The following L3MBTL4 variants were observed in gnomAD, a reference collection of about 807,000 sequenced individuals.
L3MBTL4 encodes the protein L3MBTL histone methyl-lysine binding protein 4, also known as lethal(3)malignant brain tumor-like protein 4.
A neutral mutation model predicts 84.5 loss-of-function variants in L3MBTL4; 70 were observed. The ratio of observed to expected loss-of-function variants is 0.83; its 90% CI spans 0.68 to 1.01. The LOEUF (loss-of-function observed/expected upper bound fraction) is 1.01. Among genes scored for constraint, L3MBTL4 ranks in the 50% least tolerant of loss-of-function variants. The pLI, the probability that L3MBTL4 is intolerant of heterozygous loss-of-function variation, is 0.00. For missense variants in L3MBTL4, 715 were observed against 754.8 expected, an observed-to-expected ratio of 0.95 and a Z score of 0.62; for synonymous variants, 274 against 259.8, an observed-to-expected ratio of 1.05 and a Z score of -0.52.
intron 16 of L3MBTL4, among the ~76,000 whole-genome samples, chr18:5,983,883 T>G (rs1567948381): frequency 6.6e-6 from 1 of 152,154 alleles, no homozygotes; most frequent in South Asian, 2.1e-4. Flanking sequence ...GTGTCATATT[T>G]TATTCTAACC....
At chr18:6,063,297 ATCTG>A (rs1199605871) in intron 16 of L3MBTL4, among the ~76,000 whole-genome samples, 1 of 117,646 alleles carries the variant, frequency 8.5e-6, no homozygotes, top group Non-Finnish European at 1.7e-5. Flanking sequence ...TACTATAAAT[ATCTG>A]TGTGTGTGTG....
At chr18:6,181,671 C>A (rs2044479001) in intron 12 of L3MBTL4, among the ~76,000 whole-genome samples, 1 of 151,708 alleles carries the variant, frequency 6.6e-6, no homozygotes, top group Non-Finnish European at 1.5e-5. Flanking sequence ...TCCCACCCTC[C>A]ACCTTCAAGT....
chr18:6,362,176 AAAGGAAGGAAGG>A (rs1248423229), intron 1 of L3MBTL4, among the ~76,000 whole-genome samples: 2 of 118,210 alleles, frequency 1.7e-5, no homozygotes, highest in Non-Finnish European at 3.5e-5. Context: ...AGGAAAGAAG[AAAGGAAGGAAGG>A]AAGGAAGGGA....
At chr18:6,041,317 C>T (rs2056388903) in intron 16 of L3MBTL4, among the ~76,000 whole-genome samples, 2 of 152,338 alleles carry the variant, frequency 1.3e-5, no homozygotes, top group Non-Finnish European at 2.9e-5. Context: ...GCCATGCCCA[C>T]CACATCTGCC....
Position 5,969,583 on chromosome 18 carries a change from G to C in L3MBTL4, c.1445-21C>G, listed in dbSNP as rs61756685. 96 of 1,573,176 alleles carry C rather than the reference G, an allele frequency of 6.1e-5. No individual in the cohort carries two copies. In the African/African-American group the frequency reaches 1.2e-3, roughly 20 times the overall value. Reference sequence around the variant, plus strand: ...GTATTCTGTAAGAGAGGTGGGGTGGGGTGAGGCTCAGGCTCCCAGAGAGCA... The same window carrying C: ...GTATTCTGTAAGAGAGGTGGGGTGGCGTGAGGCTCAGGCTCCCAGAGAGCA... On this transcript the variant is annotated intron_variant, in intron 16 of 18. Coordinates refer to ENST00000317931, the MANE Select transcript of L3MBTL4 (RefSeq NM_001330559.2).
intron 1 of L3MBTL4, among the ~76,000 whole-genome samples, chr18:6,394,074 C>A (rs1198086139): frequency 6.6e-6 from 1 of 152,174 alleles, no homozygotes; most frequent in Non-Finnish European, 1.5e-5. Flanking sequence ...CCCTCTCCTT[C>A]TCACTACCCT....
At chr18:6,320,590 T>A (rs1267220669) in intron 1 of L3MBTL4, among the ~76,000 whole-genome samples, 2 of 151,928 alleles carry the variant, frequency 1.3e-5, no homozygotes, top group African/African-American at 4.8e-5. Flanking sequence ...CTGAAAGAAA[T>A]CACAGATGAC....
chr18:6,327,075 T>G (rs72863192), intron 1 of L3MBTL4, among the ~76,000 whole-genome samples: 6,892 of 152,256 alleles, frequency 0.045, 212 homozygotes, highest in Non-Finnish European at 0.068. Flanking sequence ...TAAATATAAG[T>G]ATCCTCTTCT....
At chr18:6,230,319 G>A (rs2046944385) in intron 10 of L3MBTL4, among the ~76,000 whole-genome samples, 1 of 152,118 alleles carries the variant, frequency 6.6e-6, no homozygotes, top group South Asian at 2.1e-4. Flanking sequence ...ACTTGCAAGT[G>A]AGAACATGGG....
intron 10 of L3MBTL4, among the ~76,000 whole-genome samples, chr18:6,222,346 G>A (rs1162218840): frequency 6.6e-6 from 1 of 152,098 alleles, no homozygotes; most frequent in Non-Finnish European, 1.5e-5. Flanking sequence ...ATAATTGATT[G>A]TTTTGCTCAA....
chr18:6,373,070 A>T (rs1014415142), intron 1 of L3MBTL4, among the ~76,000 whole-genome samples: 2 of 152,180 alleles, frequency 1.3e-5, no homozygotes, highest in Non-Finnish European at 2.9e-5. Flanking sequence ...CTTTCATTAA[A>T]TGTTATGTTA....
intron 12 of L3MBTL4, among the ~76,000 whole-genome samples, chr18:6,185,960 CTTTAT>C (rs771825177): frequency 1.4e-3 from 210 of 145,870 alleles, no homozygotes; most frequent in East Asian, 0.014. Context: ...AGGGCACTTT[CTTTAT>C]TTTATTTTAT....
rs551052289 is a variant in L3MBTL4 at position 5,991,169 on chromosome 18, C to T, written c.1445-21607G>A. Reference sequence around the variant, plus strand: ...ACTTCCACAGACAGGCCCATGCTGACCCTCAAATATAATTGAGGTTCTTTC... The same window carrying T: ...ACTTCCACAGACAGGCCCATGCTGATCCTCAAATATAATTGAGGTTCTTTC... On this transcript the variant is annotated intron_variant, in intron 16 of 18. Coordinates refer to ENST00000317931, the MANE Select transcript of L3MBTL4 (RefSeq NM_001330559.2). Among the ~76,000 whole-genome samples, 38 of 152,260 alleles carry T rather than the reference C, an allele frequency of 2.5e-4. 1 individual carries two copies. The South Asian group carries it at 7.5e-3, about 30-fold the overall frequency.
At chr18:6,266,743 G>A (rs1470853563) in intron 4 of L3MBTL4, among the ~76,000 whole-genome samples, 1 of 152,032 alleles carries the variant, frequency 6.6e-6, no homozygotes, top group Admixed American at 6.6e-5. Context: ...GGTCAACATG[G>A]TGAAACCCCA....
At chr18:6,382,030 C>T (rs1339651947) in intron 1 of L3MBTL4, among the ~76,000 whole-genome samples, 1 of 152,142 alleles carries the variant, frequency 6.6e-6, no homozygotes, top group African/African-American at 2.4e-5. Flanking sequence ...TTGTTCATTC[C>T]TTTTTATTCT....
At chr18:6,015,726 AG>A (rs1203953684) in intron 16 of L3MBTL4, among the ~76,000 whole-genome samples, 2 of 152,156 alleles carry the variant, frequency 1.3e-5, no homozygotes, top group Non-Finnish European at 2.9e-5. Context: ...TGGGAGGCCG[AG>A]GTAGGAGAAT....
At chr18:6,085,326 G>T (rs2058223451) in intron 15 of L3MBTL4, among the ~76,000 whole-genome samples, 1 of 152,166 alleles carries the variant, frequency 6.6e-6, no homozygotes, top group Non-Finnish European at 1.5e-5. Flanking sequence ...GGGTCTGTTT[G>T]TGTTGATATG....
intron 4 of L3MBTL4, among the ~76,000 whole-genome samples, chr18:6,295,994 T>C (rs1692815486): frequency 6.6e-6 from 1 of 152,228 alleles, no homozygotes; most frequent in Non-Finnish European, 1.5e-5. Flanking sequence ...GGTTTTCCCC[T>C]TTTTATTGTT....
intron 4 of L3MBTL4, among the ~76,000 whole-genome samples, chr18:6,276,606 A>G (rs908399319): frequency 4.6e-5 from 7 of 151,880 alleles, no homozygotes; most frequent in African/African-American, 1.7e-4. Flanking sequence ...TATTAATTGA[A>G]TGCTTACTAT....
Sources: gnomAD v4.1 joint callset for allele counts (sites outside exome capture counted in the v4.1 genomes callset) on GRCh38, gnomAD v4.1.1 for gene constraint, MANE v1.5 for transcripts, NCBI Gene and HGNC (gene_info 2026-07-23, HGNC 2026-07-21) for gene names.